Variants in COBL observed in about 807,000 individuals in gnomAD.
COBL encodes the protein protein cordon-bleu.
Under a neutral mutation model 98.8 loss-of-function variants are expected in COBL, and 51 were observed. That is an observed-to-expected ratio of 0.52 (90% CI 0.41 to 0.65). The LOEUF (loss-of-function observed/expected upper bound fraction) is 0.65, where lower values mean the gene tolerates loss of function less well. Among genes scored for constraint, COBL ranks in the 30% least tolerant of loss-of-function variants. The pLI, the probability that COBL is intolerant of heterozygous loss-of-function variation, is 0.00. For missense variants in COBL, 1,617 were observed against 1,617.5 expected, an observed-to-expected ratio of 1.00 and a Z score of 0.01; for synonymous variants, 634 against 651.7, an observed-to-expected ratio of 0.97 and a Z score of 0.41.
intron 6 of COBL, among the ~76,000 whole-genome samples, chr7:51,115,264 C>A (rs1797170426): frequency 6.6e-6 from 1 of 152,064 alleles, no homozygotes; most frequent in Non-Finnish European, 1.5e-5. Context: ...TCTACTACTG[C>A]TTTCGATTTC....
chr7:51,049,764 T>C (rs1033198952), intron 7 of COBL, among the ~76,000 whole-genome samples: 8 of 152,232 alleles, frequency 5.3e-5, no homozygotes, highest in African/African-American at 2.4e-5. Context: ...TACTGTTGAG[T>C]GGTTGGAATC....
At chr7:51,070,132 C>T (rs1362121468) in intron 7 of COBL, among the ~76,000 whole-genome samples, 1 of 152,130 alleles carries the variant, frequency 6.6e-6, no homozygotes, top group Non-Finnish European at 1.5e-5. Flanking sequence ...ATTTAAATCA[C>T]AAAACTTCCA....
At chr7:51,146,374 C>G (rs951315945) in intron 5 of COBL, among the ~76,000 whole-genome samples, 2 of 152,168 alleles carry the variant, frequency 1.3e-5, no homozygotes, top group Admixed American at 6.5e-5. Flanking sequence ...AGTGCACATC[C>G]CCATGACTGC....
intron 5 of COBL, among the ~76,000 whole-genome samples, chr7:51,141,675 G>A (rs553460404): frequency 6.6e-6 from 1 of 151,728 alleles, no homozygotes; most frequent in African/African-American, 2.4e-5. Context: ...AATCGAGTGG[G>A]AGGGAAGATT....
chr7:51,026,689 A>G, intron 10 of COBL, 24 bp from the exon 11 acceptor site: 2 of 1,605,526 alleles, frequency 1.2e-6, no homozygotes, highest in Non-Finnish European at 1.7e-6. Context: ...AGTGTCACAC[A>G]TTTCACTGAG....
intron 5 of COBL, among the ~76,000 whole-genome samples, chr7:51,177,857 T>C (rs1435460555): frequency 6.6e-6 from 1 of 151,168 alleles, no homozygotes; most frequent in Non-Finnish European, 1.5e-5. Flanking sequence ...AAATATAGTT[T>C]TTGTTGGCCG....
chr7:51,148,931 CAA>C (rs1387050730), intron 5 of COBL, among the ~76,000 whole-genome samples: 1 of 152,012 alleles, frequency 6.6e-6, no homozygotes, highest in Non-Finnish European at 1.5e-5. Flanking sequence ...CACCCCACCA[CAA>C]AAAAATCTCT....
chr7:51,175,047 C>G (rs1044336841), intron 5 of COBL, among the ~76,000 whole-genome samples: 2 of 152,198 alleles, frequency 1.3e-5, no homozygotes, highest in Non-Finnish European at 2.9e-5. Context: ...CTCCTGAATC[C>G]GGACCACCCT....
At chr7:51,103,037 AG>A (rs1424734058) in intron 6 of COBL, among the ~76,000 whole-genome samples, 1 of 152,180 alleles carries the variant, frequency 6.6e-6, no homozygotes, top group African/African-American at 2.4e-5. Flanking sequence ...CTTTGTTCAG[AG>A]GGAAGATCTC....
At chr7:51,036,588 A>G (rs1257643859) in intron 8 of COBL, among the ~76,000 whole-genome samples, 1 of 152,104 alleles carries the variant, frequency 6.6e-6, no homozygotes, top group Non-Finnish European at 1.5e-5. Flanking sequence ...AAGGATCCTC[A>G]TAGCCACAAG....
chr7:51,204,947 C>CT (rs1446360617), intron 2 of COBL, among the ~76,000 whole-genome samples: 4 of 152,130 alleles, frequency 2.6e-5, no homozygotes. Flanking sequence ...TAGAAATAAA[C>CT]TTAACCAAAC....
At chr7:51,261,594 C>A (rs1215363959) in intron 1 of COBL, among the ~76,000 whole-genome samples, 2 of 152,178 alleles carry the variant, frequency 1.3e-5, no homozygotes, top group African/African-American at 4.8e-5. Context: ...ATGGAGGAAT[C>A]TGAGGTGATG....
intron 2 of COBL, among the ~76,000 whole-genome samples, chr7:51,208,385 GT>G (rs1792016157): frequency 7.5e-6 from 1 of 132,624 alleles, no homozygotes; most frequent in East Asian, 2.3e-4. Flanking sequence ...TGGGAGGGAG[GT>G]GGGGGGGGTC....
intron 1 of COBL, among the ~76,000 whole-genome samples, chr7:51,307,120 G>A (rs1294294412): frequency 3.3e-5 from 5 of 152,098 alleles, no homozygotes; most frequent in Non-Finnish European, 5.9e-5. Context: ...CAAGGCGGGT[G>A]GATCACTTGA....
chr7:51,240,185 A>G (rs567040255), intron 1 of COBL, among the ~76,000 whole-genome samples: 19 of 152,364 alleles, frequency 1.2e-4, no homozygotes, highest in Non-Finnish European at 2.2e-4. Flanking sequence ...TCCAAGACCT[A>G]GGATGGTGAT....
In COBL at chr7:51,026,575, C is replaced by T. The variant is rs199535442; in HGVS notation, c.3475G>A (p.Gly1159Arg). 2.0e-5 allele frequency: 33 copies of T among 1,614,022 alleles called. No homozygotes were observed. The highest frequency in any genetic ancestry group is 2.4e-5 in the Non-Finnish European group (28 of 1,180,042). ...CTCAGGCTGCAGGTGCCGCTGTGCC[C>T]GCGGATAGCTGCCAGCAGTGCAGAT... The part of the protein sequence containing the change: ...ERSALLAAIR[G>R]HSGTCSLRKV... Residue 1159 changes from glycine to arginine, a missense_variant, in exon 11 of 13, where the codon GGG (glycine) becomes AGG (arginine). Coordinates refer to ENST00000265136, the MANE Select transcript of COBL (RefSeq NM_015198.5).
chr7:51,261,220 C>T (rs1387537838), intron 1 of COBL, among the ~76,000 whole-genome samples: 17 of 152,248 alleles, frequency 1.1e-4, no homozygotes, highest in Admixed American at 8.5e-4. Context: ...CCATCCAAAA[C>T]GGCAGCCTTT....
intron 6 of COBL, among the ~76,000 whole-genome samples, chr7:51,108,575 C>T (rs1238482452): frequency 1.3e-5 from 2 of 152,190 alleles, no homozygotes; most frequent in Non-Finnish European, 2.9e-5. Flanking sequence ...TATTCTCATT[C>T]CTTCTGTTTG....
rs1803317390 is a variant in COBL, at chr7:51,314,175, G to A, written c.41+2418C>T. Among the ~76,000 whole-genome samples, 3 of 152,178 alleles carry A rather than the reference G, an allele frequency of 2.0e-5. 1 individual carries two copies. On this transcript the variant is annotated intron_variant, in intron 1 of 12. Coordinates refer to ENST00000265136, the MANE Select transcript of COBL (RefSeq NM_015198.5). ...TCAGTAATCTTCTAGAAGAGCGTTTGTAGGCCACAGGGTGAAATCTCGTTA... is the reference window on the plus strand; with the variant it reads ...TCAGTAATCTTCTAGAAGAGCGTTTATAGGCCACAGGGTGAAATCTCGTTA...
Sources: allele counts gnomAD v4.1 joint callset (sites outside exome capture counted in the v4.1 genomes callset), GRCh38; gene constraint gnomAD v4.1.1; transcripts MANE v1.5; gene names NCBI Gene and HGNC (gene_info 2026-07-23, HGNC 2026-07-21).